The following ATP5ME variants were observed in gnomAD, a reference collection of about 807,000 sequenced individuals.
The protein encoded by ATP5ME is ATP synthase F(0) complex subunit e, mitochondrial.
In ATP5ME, 10 loss-of-function variants were observed where a neutral mutation model predicts 11.6. The ratio of observed to expected loss-of-function variants is 0.86; its 90% confidence interval spans 0.53 to 1.46. ATP5ME has a LOEUF of 1.46. ATP5ME is among the 40% of genes most tolerant of loss of function. The pLI, the probability that ATP5ME is intolerant of heterozygous loss-of-function variation, is 0.00. For missense variants in ATP5ME, 115 were observed against 85.4 expected, an observed-to-expected ratio of 1.35 and a Z score of -1.37; for synonymous variants, 45 against 33.5, an observed-to-expected ratio of 1.34 and a Z score of -1.19.
chr4:673,878 A>C lies in ATP5ME; in HGVS notation c.91+34T>G, dbSNP rs571418735. ...CAGGAGCTCCACAGGAAAGCCGAGC[A>C]GACCCCGCCCCGGCCCCGCCCGCGG... On this transcript the variant is annotated intron_variant, in intron 2 of 3. Coordinates refer to ENST00000304312, the MANE Select transcript of ATP5ME (RefSeq NM_007100.4). The C allele has an allele frequency of 5.8e-5, 89 of 1,544,668 alleles. No homozygotes were observed. In the East Asian group the frequency reaches 2.0e-3, roughly 34 times the overall value.
At chr4:672,612 TTTTTG>T in intron 3 of ATP5ME, 93 bp from the exon 4 acceptor site, 1 of 1,456,060 alleles carries the variant, frequency 6.9e-7, no homozygotes, top group Non-Finnish European at 9.3e-7. Context: ...TTTTTTTTTT[TTTTTG>T]TTTTGAGACG....
At chr4:672,667 C>T in intron 3 of ATP5ME, 148 bp from the exon 4 acceptor site, 1 of 824,456 alleles carries the variant, frequency 1.2e-6, no homozygotes, top group Non-Finnish European at 1.9e-6. Flanking sequence ...TCTCAGCTCA[C>T]TGCAACCTCT....
At chr4:673,835 G>T in intron 2 of ATP5ME, 77 bp downstream of exon 2, 1 of 1,518,164 alleles carries the variant, frequency 6.6e-7, no homozygotes, top group Non-Finnish European at 8.9e-7. Context: ...TTCCAGAGCT[G>T]GAGTTCTCCA....
intron 3 of ATP5ME, 115 bp downstream of exon 3, chr4:673,188 C>T (rs1047063692): frequency 4.6e-6 from 7 of 1,522,506 alleles, no homozygotes; most frequent in Middle Eastern, 3.4e-4. Flanking sequence ...TGGCCAGCTT[C>T]CCCATTTTTA....
At chr4:674,010 G>C (rs1738655974) in intron 1 of ATP5ME, 44 bp from the exon 2 acceptor site, 3 of 1,537,340 alleles carry the variant, frequency 2.0e-6, no homozygotes, top group Non-Finnish European at 2.6e-6. Flanking sequence ...CGGGGCTCGC[G>C]GGACGGGGGT....
intron 1 of ATP5ME, 22 bp from the exon 2 acceptor site, chr4:673,988 G>A: frequency 3.2e-6 from 5 of 1,543,146 alleles, no homozygotes; most frequent in South Asian, 1.2e-5. Flanking sequence ...GTTGGTCAGA[G>A]GCGGCGCGAA....
chr4:673,331 C>T lies in ATP5ME; in HGVS notation c.162G>A (p.Leu54=), dbSNP rs748101684. 13 of 1,614,218 alleles carry T rather than the reference C, an allele frequency of 8.1e-6. No individual in the cohort carries two copies. The highest frequency in any genetic ancestry group is 1.0e-5 in the Non-Finnish European group (12 of 1,180,020). ...AAEEKKKQDE[L]KRIARELAED... is the part of the protein sequence containing the mutation. ...CTGCCAATTCTCTGGCAATCCGTTT[C>T]AGTTCATCCTGCTTCTTCTTCTCTT... Residue 54 remains leucine, a synonymous_variant, in exon 3 of 4, where the codon CTG becomes CTA. Coordinates refer to ENST00000304312, the MANE Select transcript of ATP5ME (RefSeq NM_007100.4).
At chr4:673,572 C>T (rs1738634822) in intron 2 of ATP5ME, 171 bp from the exon 3 acceptor site, 2 of 1,186,824 alleles carry the variant, frequency 1.7e-6, no homozygotes, top group East Asian at 2.6e-5. Context: ...GAGTCCAACC[C>T]AGAGGCTACA....
chr4:672,839 C>T (rs892124909), intron 3 of ATP5ME, among the ~76,000 whole-genome samples: 7 of 152,190 alleles, frequency 4.6e-5, no homozygotes, highest in African/African-American at 9.7e-5. Flanking sequence ...CCTCCGCCTC[C>T]CGGGTTCAAG....
At chr4:672,553 T>TACC (rs759627714) in intron 3 of ATP5ME, 34 bp from the exon 4 acceptor site, 18 of 1,613,110 alleles carry the variant, frequency 1.1e-5, no homozygotes, top group Non-Finnish European at 1.4e-5. Flanking sequence ...AAGCACATGT[T>TACC]ACCACTCAGG....
intron 3 of ATP5ME, among the ~76,000 whole-genome samples, chr4:672,872 T>A (rs924980013): frequency 3.3e-5 from 5 of 152,232 alleles, no homozygotes; most frequent in South Asian, 2.1e-4. Context: ...CTCAGCTTTC[T>A]GAGTAGCTGG....
rs969998845 is a variant in ATP5ME, at chr4:673,367, C to T, written c.126G>A (p.Arg42=). ...YLKPRAEEER[R]IAAEEKKKQD... is the part of the protein sequence containing the mutation. ...GCTTCTTCTTCTCTTCTGCTGCTAT[C>T]CTCCTCTCCTCTTCTGCCCGAGGTT... The change falls in exon 3 of 4, where the codon AGG becomes AGA. Residue 42 remains arginine (R), a synonymous_variant. Transcript: ENST00000304312. The T allele has an allele frequency of 1.2e-5, 20 of 1,614,096 alleles. No homozygotes were observed. Among genetic ancestry groups the T allele is most frequent in the East Asian group, 2.2e-5 (1 of 44,906 alleles).
intron 2 of ATP5ME, chr4:673,701 C>T (rs1318602017): frequency 1.2e-6 from 1 of 813,316 alleles, no homozygotes; most frequent in African/African-American, 1.7e-5. Flanking sequence ...CACCAAGAAG[C>T]AGCCGTTTTC....
At chr4:674,077 C>T in intron 1 of ATP5ME, 111 bp from the exon 2 acceptor site, 3 of 865,514 alleles carry the variant, frequency 3.5e-6, no homozygotes, top group African/African-American at 2.1e-5. Context: ...GGTGGGGGTC[C>T]GGTCGCCGGG....
Position 673,326 on chromosome 4 carries a change from C to G in ATP5ME, c.167G>C (p.Arg56Pro), listed in dbSNP as rs181881252. The G allele has an allele frequency of 6.2e-7, 1 of 1,614,200 alleles. No homozygotes were observed. The highest frequency in any genetic ancestry group is 8.5e-7 in the Non-Finnish European group (1 of 1,180,008). ...ACCTTCTGCCAATTCTCTGGCAATC[C>G]GTTTCAGTTCATCCTGCTTCTTCTT... ...EEKKKQDELKRIARELAEDDS... is the reference protein window; with the variant it reads ...EEKKKQDELKPIARELAEDDS... The change falls in exon 3 of 4, where the codon CGG becomes CCG. Residue 56 changes from arginine (R) to proline (P), a missense_variant. Arg to Pro is a moderately radical substitution (Grantham distance 103). Coordinates refer to ENST00000304312, the MANE Select transcript of ATP5ME (RefSeq NM_007100.4).
rs759416967 is a variant in ATP5ME, at chr4:672,611, T to G, written c.191-92A>C. On this transcript the variant is annotated intron_variant, in intron 3 of 3. Transcript: ENST00000304312. ...CTTCCCAGTTATTTTTTTTTTTTTT[T>G]TTTTTGTTTTGAGACGGAGTCTCGC... The G allele has an allele frequency of 3.8e-4, 563 of 1,463,326 alleles. 4 individuals are homozygous for G. In the African/African-American group the frequency reaches 5.2e-3, roughly 14 times the overall value. The allele number at this position is 1,463,326 out of a possible 1,614,324, so 90.6% of individuals were successfully genotyped here. A position where few individuals can be genotyped will look rare whatever the true frequency, so the allele number is the denominator to read the frequency against.
chr4:674,074 G>T, intron 1 of ATP5ME, 108 bp from the exon 2 acceptor site: 2 of 1,441,260 alleles, frequency 1.4e-6, no homozygotes, highest in Non-Finnish European at 1.9e-6. Flanking sequence ...AGGGGTGGGG[G>T]TCCGGTCGCC....
rs1290387858 is a variant in ATP5ME, at chr4:673,299, G to A, written c.190+4C>T. ...CAATCTATAAGAGCCAGTGTCACTC[G>A]TACCTTCTGCCAATTCTCTGGCAAT... On this transcript the variant is annotated splice_donor_region_variant and intron_variant, in intron 3 of 3. Coordinates refer to ENST00000304312, the MANE Select transcript of ATP5ME (RefSeq NM_007100.4). 6 of 1,614,036 alleles carry A rather than the reference G, an allele frequency of 3.7e-6. No homozygotes were observed. Among genetic ancestry groups the A allele is most frequent in the East Asian group, 2.2e-5 (1 of 44,896 alleles).
In ATP5ME at chr4:673,973, AAG is replaced by A; in HGVS notation, c.37-9_37-8del. 6.5e-7 allele frequency: 1 copy of A among 1,544,480 alleles called. No homozygotes were observed. The highest frequency in any genetic ancestry group is 1.2e-5 in the South Asian group (1 of 84,022). On this transcript the variant is annotated splice_region_variant and splice_polypyrimidine_tract_variant and intron_variant, in intron 1 of 3. Transcript: ENST00000304312. ...GGGCGGAGTAGCGGCCGAGCTGCGA[AAG>A]AGGTTGGTCAGAGGCGGCGCGAAAC...
Sources: allele counts gnomAD v4.1 joint callset (sites outside exome capture counted in the v4.1 genomes callset), GRCh38; gene constraint gnomAD v4.1.1; transcripts MANE v1.5; gene names NCBI Gene and HGNC (gene_info 2026-07-23, HGNC 2026-07-21).